Variants in TUBGCP3 observed in about 807,000 individuals in gnomAD.
TUBGCP3 encodes gamma-tubulin complex component 3.
Under a neutral mutation model 123.1 loss-of-function variants are expected in TUBGCP3, and 50 were observed. That is an observed-to-expected ratio of 0.41 (90% confidence interval 0.32 to 0.51). The LOEUF (loss-of-function observed/expected upper bound fraction) is 0.51. Ranked by LOEUF, TUBGCP3 falls within the 20% of genes least tolerant of loss-of-function variation. The pLI is 0.36. For synonymous variants in TUBGCP3, 405 were observed against 413.9 expected, an observed-to-expected ratio of 0.98 and a Z score of 0.26; for missense variants, 882 against 1,127.0, an observed-to-expected ratio of 0.78 and a Z score of 3.11.
chr13:112,585,571 G>C (rs968967059), intron 1 of TUBGCP3, among the ~76,000 whole-genome samples: 1 of 151,976 alleles, frequency 6.6e-6, no homozygotes, highest in African/African-American at 2.4e-5. Context: ...TCAGGAGTTG[G>C]AGACCAGCCT....
chr13:112,492,482 C>A (rs1880161444), intron 20 of TUBGCP3, among the ~76,000 whole-genome samples: 1 of 152,246 alleles, frequency 6.6e-6, no homozygotes, highest in Non-Finnish European at 1.5e-5. Flanking sequence ...CAGATGCAAG[C>A]GAGGGCATCT....
intron 2 of TUBGCP3, among the ~76,000 whole-genome samples, chr13:112,567,323 A>G (rs978192517): frequency 6.6e-6 from 1 of 152,246 alleles, no homozygotes; most frequent in Non-Finnish European, 1.5e-5. Flanking sequence ...TTGAGTTTAA[A>G]CAAACTTTAT....
intron 20 of TUBGCP3, among the ~76,000 whole-genome samples, chr13:112,492,954 GT>G (rs1336501301): frequency 8.3e-5 from 12 of 145,172 alleles, no homozygotes; most frequent in Admixed American, 1.4e-4. Flanking sequence ...GGGGCCTGGT[GT>G]GCCTGAGACA....
chr13:112,574,573 C>G (rs117694653), intron 1 of TUBGCP3, among the ~76,000 whole-genome samples: 1 of 152,176 alleles, frequency 6.6e-6, no homozygotes, highest in Non-Finnish European at 1.5e-5. Flanking sequence ...TGAAGAATCC[C>G]TGAAAGATGT....
At chr13:112,577,603 A>G (rs1295831230) in intron 1 of TUBGCP3, among the ~76,000 whole-genome samples, 1 of 152,178 alleles carries the variant, frequency 6.6e-6, no homozygotes, top group East Asian at 1.9e-4. Flanking sequence ...AATCTAAATA[A>G]CTATGGAGCT....
intron 20 of TUBGCP3, among the ~76,000 whole-genome samples, chr13:112,490,969 G>C (rs1238586732): frequency 1.3e-5 from 2 of 152,160 alleles, no homozygotes; most frequent in African/African-American, 4.8e-5. Context: ...CCTTCAAGTA[G>C]ATTTTTTTCC....
intron 11 of TUBGCP3, among the ~76,000 whole-genome samples, chr13:112,532,851 A>C (rs1877698600): frequency 6.6e-6 from 1 of 152,262 alleles, no homozygotes; most frequent in Non-Finnish European, 1.5e-5. Flanking sequence ...CAAAATTTAG[A>C]TACCATTCTT....
the TUBGCP3 span, among the ~76,000 whole-genome samples, chr13:112,602,656 TCTGCCTCA>T: frequency 6.6e-6 from 1 of 152,252 alleles, no homozygotes; most frequent in Non-Finnish European, 1.5e-5. Flanking sequence ...TTATATTTCA[TCTGCCTCA>T]CAAAACAATT....
rs1879913796 is a variant in TUBGCP3, at chr13:112,555,059, A to G, written c.722-54T>C. 1.3e-5 allele frequency: 15 copies of G among 1,145,658 alleles called. No individual in the cohort carries two copies. The South Asian group carries it at 2.1e-4, about 16-fold the overall frequency. 71.0% of individuals were successfully genotyped at this position (1,145,658 alleles called of 1,614,324 possible). On this transcript the variant is annotated intron_variant, in intron 6 of 21. Transcript: ENST00000261965. ...TTACTAGACAATATTTTAACAGACA[A>G]TAGATATTATGGTGCAATTAGCTTC... is the stretch of plus-strand genomic sequence containing the variant.
intron 11 of TUBGCP3, among the ~76,000 whole-genome samples, chr13:112,542,273 G>A (rs923092016): frequency 6.6e-6 from 1 of 152,124 alleles, no homozygotes; most frequent in African/African-American, 2.4e-5. Flanking sequence ...TTGTGATAAT[G>A]GTCAGGAGAT....
intron 11 of TUBGCP3, among the ~76,000 whole-genome samples, chr13:112,537,832 C>A (rs1878190764): frequency 6.6e-6 from 1 of 152,152 alleles, no homozygotes; most frequent in Non-Finnish European, 1.5e-5. Context: ...CAGGTCTATT[C>A]AGGTTTTCTA....
rs78361948 is a variant in TUBGCP3 at position 112,496,037 on chromosome 13, T to G, written c.2448+3008A>C. On this transcript the variant is annotated intron_variant, in intron 20 of 21. Coordinates refer to ENST00000261965, the MANE Select transcript of TUBGCP3 (RefSeq NM_006322.6). ...TTTTCAAAACTATACTGTTCCCATA[T>G]CAGCAGCAGCATTGAGATTCTTATT... 9.3e-3 allele frequency among the ~76,000 whole-genome samples: 1,410 copies of G among 152,308 alleles called. 12 individuals carry two copies. The highest frequency in any genetic ancestry group is 0.017 in the Middle Eastern group (5 of 294).
intron 19 of TUBGCP3, among the ~76,000 whole-genome samples, chr13:112,502,651 T>C (rs1881008579): frequency 6.7e-6 from 1 of 149,570 alleles, no homozygotes; most frequent in African/African-American, 2.5e-5. Context: ...GTTCACGCCA[T>C]TCTCCTGCCT....
At position 112,559,409 on chromosome 13, in the gene TUBGCP3, A is replaced by G. The variant is rs1880316717; in HGVS notation, c.253-10T>C. The G allele has an allele frequency of 6.3e-7, 1 of 1,591,466 alleles. No homozygotes were observed. Among genetic ancestry groups the G allele is most frequent in the African/African-American group, 1.3e-5 (1 of 74,496 alleles). On this transcript the variant is annotated splice_polypyrimidine_tract_variant and intron_variant, in intron 3 of 21. Coordinates refer to ENST00000261965, the MANE Select transcript of TUBGCP3 (RefSeq NM_006322.6). ...TATTTTTCAAAACTCCCTGTTTGGA[A>G]AAAAGTTAATATTAAAAGAACGATT...
At chr13:112,578,358 G>C (rs940596305) in intron 1 of TUBGCP3, among the ~76,000 whole-genome samples, 1 of 151,312 alleles carries the variant, frequency 6.6e-6, no homozygotes, top group African/African-American at 2.4e-5. Context: ...AGGAGATCGA[G>C]ACCATCCTGG....
At chr13:112,514,782 G>A (rs1875947646) in intron 17 of TUBGCP3, among the ~76,000 whole-genome samples, 1 of 152,296 alleles carries the variant, frequency 6.6e-6, no homozygotes, top group South Asian at 2.1e-4. Flanking sequence ...TAAGCAAGCA[G>A]TTCCACTTCT....
At chr13:112,596,441 G>C in the TUBGCP3 span, among the ~76,000 whole-genome samples, 120 of 152,264 alleles carry the variant, frequency 7.9e-4, no homozygotes, top group Non-Finnish European at 1.2e-3. Context: ...TGGCCTTTGT[G>C]GTTTGTAGTG....
At chr13:112,549,544 G>A (rs1481726224) in intron 8 of TUBGCP3, among the ~76,000 whole-genome samples, 1 of 151,944 alleles carries the variant, frequency 6.6e-6, no homozygotes, top group Non-Finnish European at 1.5e-5. Flanking sequence ...AATATTCAGG[G>A]TTAAAATGTA....
intron 4 of TUBGCP3, among the ~76,000 whole-genome samples, chr13:112,559,004 T>C (rs755948203): frequency 6.6e-6 from 1 of 152,198 alleles, no homozygotes; most frequent in Non-Finnish European, 1.5e-5. Context: ...TAAAGGGTCT[T>C]CTAGTTCATA....
Sources: gnomAD v4.1 joint callset for allele counts (sites outside exome capture counted in the v4.1 genomes callset) on GRCh38, gnomAD v4.1.1 for gene constraint, MANE v1.5 for transcripts, NCBI Gene and HGNC (gene_info 2026-07-23, HGNC 2026-07-21) for gene names.